Variants in PLEKHG1 observed in about 807,000 individuals in gnomAD.
PLEKHG1 encodes pleckstrin homology domain-containing family G member 1.
A neutral mutation model predicts 100.8 loss-of-function variants in PLEKHG1; 44 were observed. The observed-to-expected ratio is 0.44, with a 90% CI of 0.34 to 0.56. The LOEUF is 0.56. PLEKHG1 is among the 20% of genes least tolerant of loss of function. PLEKHG1 has a pLI of 0.01. For missense variants in PLEKHG1, 1,545 were observed against 1,720.9 expected, an observed-to-expected ratio of 0.90 and a Z score of 1.81; for synonymous variants, 640 against 662.5, an observed-to-expected ratio of 0.97 and a Z score of 0.52.
At position 150,804,759 on chromosome 6, in the gene PLEKHG1, C is replaced by T. The variant is rs905545178; in HGVS notation, c.912+18C>T. 26 of 1,609,590 alleles carry T rather than the reference C, an allele frequency of 1.6e-5. No homozygotes were observed. The highest frequency in any genetic ancestry group is 1.6e-4 in the Middle Eastern group (1 of 6,070). On this transcript the variant is annotated intron_variant, in intron 7 of 15. Transcript: ENST00000358517. Reference sequence around the variant, plus strand: ...GGTTACAGGTGAGCCCGCGAGGTGTCGGTGCCCGGCAGGGTTGCAGGTGTA... The same window carrying T: ...GGTTACAGGTGAGCCCGCGAGGTGTTGGTGCCCGGCAGGGTTGCAGGTGTA...
intron 1 of PLEKHG1, among the ~76,000 whole-genome samples, chr6:150,610,547 T>A (rs1401642184): frequency 6.6e-6 from 1 of 152,172 alleles, no homozygotes; most frequent in African/African-American, 2.4e-5. Flanking sequence ...AAATTTAAGT[T>A]TTAAAAAATC....
chr6:150,754,547 G>T (rs1183802311), intron 2 of PLEKHG1, among the ~76,000 whole-genome samples: 1 of 152,126 alleles, frequency 6.6e-6, no homozygotes, highest in Non-Finnish European at 1.5e-5. Flanking sequence ...CGATGAGAGA[G>T]AGGACAAGTC....
intron 3 of PLEKHG1, among the ~76,000 whole-genome samples, chr6:150,781,713 T>C (rs1315208646): frequency 6.6e-6 from 1 of 152,016 alleles, no homozygotes; most frequent in Non-Finnish European, 1.5e-5. Context: ...GAGTCTTTTA[T>C]AGGAATATGG....
In PLEKHG1 at chr6:150,734,112, T is replaced by G; in HGVS notation, c.411+20T>G. 1 of 1,585,590 alleles carries G rather than the reference T, an allele frequency of 6.3e-7. No homozygotes were observed. The highest frequency in any genetic ancestry group is 1.8e-5 in the Admixed American group (1 of 56,492). On this transcript the variant is annotated intron_variant, in intron 2 of 15. Transcript: ENST00000358517. ...GTAGAGGTAAGACCGACTTCGCTTT[T>G]AATGTTTGCCATGCAGGAGAAATAT...
At chr6:150,808,971 C>T (rs1378690586) in intron 7 of PLEKHG1, 134 bp from the exon 9 acceptor site, 1 of 653,366 alleles carries the variant, frequency 1.5e-6, no homozygotes, top group Non-Finnish European at 2.7e-6. Flanking sequence ...CATAGACCAT[C>T]AGATACCACG....
At chr6:150,839,971 A>G (rs371945990) in exon 16 of PLEKHG1, 25 of 1,614,128 alleles carry the variant, frequency 1.5e-5, no homozygotes, top group East Asian at 8.9e-5. Context: ...CAGGTCCACC[A>G]TGGTAGTGGA....
At chr6:150,734,446 A>G (rs1562473167) in intron 2 of PLEKHG1, among the ~76,000 whole-genome samples, 2 of 152,202 alleles carry the variant, frequency 1.3e-5, no homozygotes, top group Non-Finnish European at 2.9e-5. Context: ...TGTCAGGTGT[A>G]TGACTAAACC....
chr6:150,650,060 A>C lies in PLEKHG1; in HGVS notation c.-157-668A>C, dbSNP rs1582882495. Among the ~76,000 whole-genome samples, 3 of 1,752 alleles carry C rather than the reference A, an allele frequency of 1.7e-3. 1 individual carries two copies. Among genetic ancestry groups the C allele is most frequent in the East Asian group, 0.14 (2 of 14 alleles). The allele number at this position is 1,752 out of a possible 152,430, so 1.1% of individuals were successfully genotyped here. A position where few individuals can be genotyped will look rare whatever the true frequency, so the allele number is the denominator to read the frequency against. ...AAGACGAGAGCAAAACTTTGTCTCA[A>C]AAAAAAAAAAAAAGAAAGAAAAAAA... On this transcript the variant is annotated intron_variant, in intron 2 of 3. Coordinates refer to the PLEKHG1 transcript ENST00000367326.
chr6:150,839,765 C>T (rs1258199283), intron 15 of PLEKHG1, 68 bp from the exon 17 acceptor site: 1 of 995,752 alleles, frequency 1.0e-6, no homozygotes, highest in Non-Finnish European at 1.5e-6. Context: ...ATGTTATTCT[C>T]TTATTTTTAA....
chr6:150,674,267 G>GA (rs149545287), intron 3 of PLEKHG1, among the ~76,000 whole-genome samples: 11,841 of 147,904 alleles, frequency 0.08, 538 homozygotes, highest in Non-Finnish European at 0.1. Flanking sequence ...CCCAGTTTAG[G>GA]AAAAAAAAAA....
intron 14 of PLEKHG1, among the ~76,000 whole-genome samples, chr6:150,826,236 T>C (rs573081479): frequency 6.6e-6 from 1 of 152,122 alleles, no homozygotes; most frequent in African/African-American, 2.4e-5. Context: ...AGCGGGCGGA[T>C]TGCCTAAGCT....
chr6:150,647,857 TATAA>T (rs1778567475), intron 2 of PLEKHG1, among the ~76,000 whole-genome samples: 1 of 152,196 alleles, frequency 6.6e-6, no homozygotes, highest in Non-Finnish European at 1.5e-5. Context: ...AGTATTCACC[TATAA>T]ATAAACATTG....
intron 3 of PLEKHG1, among the ~76,000 whole-genome samples, chr6:150,675,371 G>A (rs996731791): frequency 1.3e-5 from 2 of 152,190 alleles, no homozygotes; most frequent in African/African-American, 4.8e-5. Context: ...ACCAAAGTGT[G>A]TGCCCTCAGC....
At chr6:150,754,954 G>GCCACT (rs1389742760) in intron 2 of PLEKHG1, among the ~76,000 whole-genome samples, 7 of 152,090 alleles carry the variant, frequency 4.6e-5, no homozygotes, top group African/African-American at 1.7e-4. Context: ...ACAGGCATGA[G>GCCACT]CCACTGTGCC....
At chr6:150,741,804 C>T (rs1782872991) in intron 2 of PLEKHG1, among the ~76,000 whole-genome samples, 2 of 152,236 alleles carry the variant, frequency 1.3e-5, no homozygotes, top group South Asian at 2.1e-4. Context: ...CTTAATCTCT[C>T]TAGAGCAGGC....
At chr6:150,750,176 A>C (rs1464301764) in intron 2 of PLEKHG1, among the ~76,000 whole-genome samples, 1 of 152,242 alleles carries the variant, frequency 6.6e-6, no homozygotes, top group Admixed American at 6.5e-5. Flanking sequence ...TAACTGCATC[A>C]GTTATATTAA....
chr6:150,816,095 C>G (rs1323667521), intron 10 of PLEKHG1, among the ~76,000 whole-genome samples: 2 of 152,098 alleles, frequency 1.3e-5, no homozygotes, highest in Non-Finnish European at 2.9e-5. Flanking sequence ...TAGCCCTGAG[C>G]AACTAGACAG....
chr6:150,819,960 A>G (rs764167233), intron 12 of PLEKHG1, among the ~76,000 whole-genome samples, 186 bp downstream of exon 13: 42 of 152,118 alleles, frequency 2.8e-4, no homozygotes, highest in Admixed American at 1.7e-3. Context: ...CTGTAATCCT[A>G]GCACTTTGGG....
At chr6:150,699,964 T>G (rs1159922478) in intron 3 of PLEKHG1, among the ~76,000 whole-genome samples, 3 of 152,194 alleles carry the variant, frequency 2.0e-5, no homozygotes, top group Non-Finnish European at 4.4e-5. Flanking sequence ...GAGCCAAATT[T>G]TAGATCACTG....
Sources: gnomAD v4.1 joint callset for allele counts (sites outside exome capture counted in the v4.1 genomes callset) on GRCh38, gnomAD v4.1.1 for gene constraint, MANE v1.5 for transcripts, NCBI Gene and HGNC (gene_info 2026-07-23, HGNC 2026-07-21) for gene names.